TYW1B: variants seen among roughly 807,000 people sequenced by gnomAD.
TYW1B encodes S-adenosyl-L-methionine-dependent tRNA 4-demethylwyosine synthase TYW1B.
In TYW1B, 73 loss-of-function variants were observed where a neutral mutation model predicts 86.9. The observed-to-expected ratio is 0.84, with a 90% confidence interval of 0.70 to 1.02. The LOEUF is 1.02. TYW1B is among the 50% of genes least tolerant of loss of function. TYW1B has a pLI of 0.00. For synonymous variants in TYW1B, 248 were observed against 292.8 expected (o/e 0.85, Z 1.56); for missense variants, 637 against 827.4 (o/e 0.77, Z 2.82).
At chr7:72,768,166 G>C (rs1563087568) in intron 7 of TYW1B, among the ~76,000 whole-genome samples, 1 of 151,886 alleles carries the variant, frequency 6.6e-6, no homozygotes, top group Non-Finnish European at 1.5e-5. Flanking sequence ...CTTCAGCCCA[G>C]GAGGTGAGAG....
chr7:72,618,584 G>A (rs1374242510), intron 12 of TYW1B, among the ~76,000 whole-genome samples: 1 of 152,106 alleles, frequency 6.6e-6, no homozygotes, highest in African/African-American at 2.4e-5. Flanking sequence ...GCTGGGACTT[G>A]GACGAAGACT....
At chr7:72,738,530 G>A (rs1190083088) in intron 8 of TYW1B, among the ~76,000 whole-genome samples, 7 of 152,082 alleles carry the variant, frequency 4.6e-5, no homozygotes, top group Middle Eastern at 3.2e-3. Flanking sequence ...ACTGTCCTAT[G>A]CATTAGGGAA....
At chr7:72,823,969 A>T (rs1348318082) in intron 2 of TYW1B, among the ~76,000 whole-genome samples, 7 of 151,988 alleles carry the variant, frequency 4.6e-5, no homozygotes, top group South Asian at 4.2e-4. Flanking sequence ...ATTTTTTTTT[A>T]AAAAGGTAAA....
intron 6 of TYW1B, among the ~76,000 whole-genome samples, chr7:72,795,255 A>C (rs1487644603): frequency 4.6e-5 from 7 of 152,242 alleles, no homozygotes; most frequent in Admixed American, 1.3e-4. Flanking sequence ...AAAATAAAAC[A>C]AAAAAATCCA....
At chr7:72,794,015 G>A (rs1481406871) in intron 6 of TYW1B, among the ~76,000 whole-genome samples, 1 of 152,170 alleles carries the variant, frequency 6.6e-6, no homozygotes, top group Non-Finnish European at 1.5e-5. Context: ...TTGACGTACG[G>A]CTGCTGCCTA....
At chr7:72,601,160 AT>A (rs199760204) in intron 13 of TYW1B, among the ~76,000 whole-genome samples, 15 of 148,304 alleles carry the variant, frequency 1.0e-4, no homozygotes, top group African/African-American at 3.0e-4. Context: ...AAAAAAAAAA[AT>A]AAAAATAAAC....
In TYW1B at chr7:72,677,485, AC is replaced by A. The variant is rs1813762361; in HGVS notation, c.1506+17201del. Among the ~76,000 whole-genome samples the A allele has an allele frequency of 2.0e-5, 3 of 152,100 alleles. No individual in the cohort carries two copies. In the South Asian group the frequency reaches 6.2e-4, roughly 32 times the overall value. On this transcript the variant is annotated intron_variant, in intron 11 of 13. Coordinates refer to ENST00000620995, the MANE Select transcript of TYW1B (RefSeq NM_001145440.3). The stretch of plus-strand genomic sequence containing the variant: ...TAAATTATACCTCAATTATAAAAAA[AC>A]ACATGGGCATGGAACATTTGTCTCC...
chr7:72,616,160 G>A (rs1812065788), intron 13 of TYW1B, among the ~76,000 whole-genome samples: 2 of 152,034 alleles, frequency 1.3e-5, no homozygotes, highest in African/African-American at 4.8e-5. Context: ...ACTTAAGAAA[G>A]ATACTAGATT....
intron 4 of TYW1B, among the ~76,000 whole-genome samples, chr7:72,809,741 T>C (rs1253230370): frequency 6.6e-6 from 1 of 152,116 alleles, no homozygotes; most frequent in Non-Finnish European, 1.5e-5. Flanking sequence ...GGCTCACACC[T>C]GTAATCCCAG....
At chr7:72,612,300 T>C (rs182499723) in intron 13 of TYW1B, among the ~76,000 whole-genome samples, 39 of 152,290 alleles carry the variant, frequency 2.6e-4, no homozygotes, top group Non-Finnish European at 4.4e-4. Context: ...AAAAGTAGAA[T>C]TCCTGAGTCC....
At chr7:72,767,800 T>G (rs1411903456) in intron 7 of TYW1B, among the ~76,000 whole-genome samples, 1 of 152,134 alleles carries the variant, frequency 6.6e-6, no homozygotes, top group Non-Finnish European at 1.5e-5. Flanking sequence ...AGAGCCCCTC[T>G]CTGTTTGTTA....
intron 7 of TYW1B, among the ~76,000 whole-genome samples, chr7:72,756,797 GA>G (rs1342570292): frequency 1.3e-5 from 2 of 152,036 alleles, no homozygotes; most frequent in Non-Finnish European, 2.9e-5. Flanking sequence ...TCCAACAACA[GA>G]CACATAATCC....
intron 7 of TYW1B, chr7:72,769,081 G>A (rs1199243763): frequency 2.7e-6 from 1 of 376,258 alleles, no homozygotes; most frequent in Admixed American, 3.5e-5. Flanking sequence ...ACGGAGGCTA[G>A]TCTGTGGGAT....
At position 72,575,484 on chromosome 7, in the gene TYW1B, G is replaced by A; in HGVS notation, c.*14C>T. On this transcript the variant is annotated 3_prime_UTR_variant, in exon 14 of 14. Coordinates refer to ENST00000620995, the MANE Select transcript of TYW1B (RefSeq NM_001145440.3). Reference sequence around the variant, plus strand: ...CCAAGTTTTTGTCCTTCAGTACCTTGAAATCAGATAATCTCAACATCCAGA... The same window carrying A: ...CCAAGTTTTTGTCCTTCAGTACCTTAAAATCAGATAATCTCAACATCCAGA... The A allele has an allele frequency of 1.3e-6, 2 of 1,593,154 alleles. No homozygotes were observed. The highest frequency in any genetic ancestry group is 8.5e-7 in the Non-Finnish European group (1 of 1,172,484).
At chr7:72,723,417 G>A (rs1380687280) in intron 9 of TYW1B, among the ~76,000 whole-genome samples, 176 of 151,976 alleles carry the variant, frequency 1.2e-3, no homozygotes, top group African/African-American at 4.1e-3. Context: ...AAATCTGTTC[G>A]TAAGCATTTC....
chr7:72,753,117 TAAAAAA>T (rs782534936), intron 7 of TYW1B, among the ~76,000 whole-genome samples: 1 of 146,088 alleles, frequency 6.8e-6, no homozygotes, highest in East Asian at 2.0e-4. Flanking sequence ...CTTGGTTGAT[TAAAAAA>T]AAAAAGAAAG....
chr7:72,821,066 G>A (rs1392106619), intron 2 of TYW1B, among the ~76,000 whole-genome samples: 1 of 152,170 alleles, frequency 6.6e-6, no homozygotes, highest in Non-Finnish European at 1.5e-5. Flanking sequence ...TCTGCCTCCC[G>A]GGTTCAAGTG....
chr7:72,822,241 G>T (rs576372417), intron 2 of TYW1B, among the ~76,000 whole-genome samples: 324 of 145,572 alleles, frequency 2.2e-3, no homozygotes, highest in Middle Eastern at 0.014. Flanking sequence ...TAAGAGAAAA[G>T]ATCTGAGACA....
intron 6 of TYW1B, among the ~76,000 whole-genome samples, chr7:72,797,201 CAGAA>C (rs1322246661): frequency 1.3e-5 from 2 of 152,124 alleles, no homozygotes; most frequent in African/African-American, 4.8e-5. Flanking sequence ...AGCTGATCAC[CAGAA>C]AGAAACCATG....
Sources: gnomAD v4.1 joint callset for allele counts (sites outside exome capture counted in the v4.1 genomes callset) on GRCh38, gnomAD v4.1.1 for gene constraint, MANE v1.5 for transcripts, NCBI Gene and HGNC (gene_info 2026-07-23, HGNC 2026-07-21) for gene names.